Variants in RBFOX1 observed in about 807,000 individuals in gnomAD.
RBFOX1 encodes the protein RNA binding fox-1 homolog 1.
A neutral mutation model predicts 57.7 loss-of-function variants in RBFOX1; 8 were observed. The ratio of observed to expected loss-of-function variants is 0.14; its 90% CI spans 0.08 to 0.25. The LOEUF is 0.25. RBFOX1 is among the 10% of genes least tolerant of loss of function. RBFOX1 has a pLI of 1.00. For missense variants in RBFOX1, 611 were observed against 548.5 expected, an observed-to-expected ratio of 1.11 and a Z score of -1.14; for synonymous variants, 326 against 222.4, an observed-to-expected ratio of 1.47 and a Z score of -4.15.
chr16:6,389,771 C>A (rs903289715), intron 2 of RBFOX1, among the ~76,000 whole-genome samples: 4 of 152,198 alleles, frequency 2.6e-5, no homozygotes, highest in African/African-American at 9.6e-5. Flanking sequence ...TTCAGGGACT[C>A]AAAGACATGA....
chr16:7,705,926 C>G (rs760471122), intron 14 of RBFOX1, among the ~76,000 whole-genome samples: 14 of 152,176 alleles, frequency 9.2e-5, no homozygotes, highest in Non-Finnish European at 1.9e-4. Flanking sequence ...TGCACTACTG[C>G]CCACTTTGGC....
intron 4 of RBFOX1, among the ~76,000 whole-genome samples, chr16:5,983,287 A>C (rs997780868): frequency 6.6e-6 from 1 of 152,186 alleles, no homozygotes; most frequent in Admixed American, 6.5e-5. Flanking sequence ...GTGGCACTTG[A>C]GTCGTTTTAA....
intron 7 of RBFOX1, among the ~76,000 whole-genome samples, chr16:7,591,515 C>T (rs879635338): frequency 6.6e-6 from 1 of 152,118 alleles, no homozygotes; most frequent in Non-Finnish European, 1.5e-5. Context: ...GTATGATTTG[C>T]GAAAATATTT....
chr16:6,846,736 C>G (rs978266853), intron 3 of RBFOX1, among the ~76,000 whole-genome samples: 1 of 152,180 alleles, frequency 6.6e-6, no homozygotes, highest in South Asian at 2.1e-4. Flanking sequence ...TCAACATGAT[C>G]TGCTAACAAA....
chr16:7,221,721 C>G (rs942081023), intron 4 of RBFOX1, among the ~76,000 whole-genome samples: 5 of 152,168 alleles, frequency 3.3e-5, no homozygotes, highest in Non-Finnish European at 5.9e-5. Context: ...TTTTAAAAAG[C>G]ACTTCAAAAT....
chr16:7,622,320 A>G (rs1476235163), intron 10 of RBFOX1, among the ~76,000 whole-genome samples: 1 of 152,212 alleles, frequency 6.6e-6, no homozygotes, highest in East Asian at 1.9e-4. Flanking sequence ...TTAAGAGTAA[A>G]TGATGATCTA....
At chr16:7,218,742 TA>T (rs1382259894) in intron 4 of RBFOX1, among the ~76,000 whole-genome samples, 7 of 144,168 alleles carry the variant, frequency 4.9e-5, no homozygotes, top group South Asian at 2.3e-4. Context: ...TTTTTTTTTT[TA>T]AAGTAGTTTT....
intron 4 of RBFOX1, among the ~76,000 whole-genome samples, chr16:7,469,468 G>A (rs6500974): frequency 6.6e-6 from 1 of 152,198 alleles, no homozygotes; most frequent in East Asian, 1.9e-4. Flanking sequence ...ACAATGGCAC[G>A]CTTTTCTTGG....
At chr16:7,117,435 A>G (rs1441870601) in intron 4 of RBFOX1, among the ~76,000 whole-genome samples, 2 of 152,228 alleles carry the variant, frequency 1.3e-5, no homozygotes, top group Non-Finnish European at 2.9e-5. Flanking sequence ...TTCTGGAATC[A>G]GAGATCATGT....
chr16:5,564,688 T>C (rs2046001892), intron 2 of RBFOX1, among the ~76,000 whole-genome samples: 1 of 152,194 alleles, frequency 6.6e-6, no homozygotes, highest in African/African-American at 2.4e-5. Flanking sequence ...CCAGGCTTTC[T>C]GGCAAGCATC....
chr16:7,516,584 C>T (rs564903776), intron 4 of RBFOX1, among the ~76,000 whole-genome samples: 2 of 152,186 alleles, frequency 1.3e-5, no homozygotes, highest in Admixed American at 1.3e-4. Flanking sequence ...CATAGGCACA[C>T]CCTCCATGGC....
At chr16:6,995,169 C>G (rs2092066435) in intron 3 of RBFOX1, among the ~76,000 whole-genome samples, 2 of 152,072 alleles carry the variant, frequency 1.3e-5, no homozygotes, top group East Asian at 1.9e-4. Context: ...ATGGACATTT[C>G]TCTTACAGTG....
intron 3 of RBFOX1, among the ~76,000 whole-genome samples, chr16:5,639,526 G>C (rs752099332): frequency 2.0e-5 from 3 of 152,192 alleles, no homozygotes; most frequent in Non-Finnish European, 4.4e-5. Context: ...AAATGGGACT[G>C]AGTAGTGGCT....
chr16:5,699,410 T>C (rs2050956833), intron 3 of RBFOX1, among the ~76,000 whole-genome samples: 1 of 151,394 alleles, frequency 6.6e-6, no homozygotes, highest in South Asian at 2.1e-4. Context: ...CAATAAAGTT[T>C]AGTTTATTTC....
intron 4 of RBFOX1, among the ~76,000 whole-genome samples, chr16:7,395,238 C>G (rs1232562516): frequency 6.6e-6 from 1 of 151,456 alleles, no homozygotes; most frequent in Non-Finnish European, 1.5e-5. Context: ...AATTACAAAG[C>G]TTAGGTGACA....
chr16:7,415,869 C>T (rs17143622), intron 4 of RBFOX1, among the ~76,000 whole-genome samples: 1 of 152,116 alleles, frequency 6.6e-6, no homozygotes. Context: ...ATGGAACTGT[C>T]CTTTTTGTGC....
At chr16:6,984,572 A>T (rs1472001855) in intron 3 of RBFOX1, among the ~76,000 whole-genome samples, 1 of 152,172 alleles carries the variant, frequency 6.6e-6, no homozygotes, top group Non-Finnish European at 1.5e-5. Context: ...GGATTCACTG[A>T]ATGATGGCAT....
intron 3 of RBFOX1, among the ~76,000 whole-genome samples, chr16:6,707,472 A>ATTTTTT (rs1233122392): frequency 1.4e-4 from 13 of 89,912 alleles, no homozygotes; most frequent in African/African-American, 4.8e-4. Flanking sequence ...ATGGCTTCCC[A>ATTTTTT]TTTTTGTTTT....
chr16:6,984,651 T>C (rs1214135229), intron 3 of RBFOX1, among the ~76,000 whole-genome samples: 1 of 152,130 alleles, frequency 6.6e-6, no homozygotes, highest in Non-Finnish European at 1.5e-5. Context: ...TTAATATTTT[T>C]ATTATTATTT....
Sources: gnomAD v4.1 joint callset for allele counts (sites outside exome capture counted in the v4.1 genomes callset) on GRCh38, gnomAD v4.1.1 for gene constraint, MANE v1.5 for transcripts, NCBI Gene and HGNC (gene_info 2026-07-23, HGNC 2026-07-21) for gene names.